Variants in SPTLC2 observed in about 807,000 individuals in gnomAD.
The protein encoded by SPTLC2 is serine palmitoyltransferase 2.
In SPTLC2, 21 loss-of-function variants were observed where a neutral mutation model predicts 62.0. The observed-to-expected ratio is 0.34, with a 90% confidence interval of 0.24 to 0.49. The LOEUF (loss-of-function observed/expected upper bound fraction) is 0.49. Among genes scored for constraint, SPTLC2 ranks in the 20% least tolerant of loss-of-function variants. The pLI is 0.99. For missense variants in SPTLC2, 511 were observed against 713.0 expected (o/e 0.72, Z 3.23); for synonymous variants, 261 against 261.8 (o/e 1.00, Z 0.03).
intron 9 of SPTLC2, 91 bp from the exon 10 acceptor site, chr14:77,521,672 A>G: frequency 5.0e-6 from 6 of 1,190,436 alleles, no homozygotes; most frequent in African/African-American, 1.5e-5. Context: ...CATTCTATCT[A>G]ATCAGTTCTG....
chr14:77,604,792 GGGAGGC>G (rs1455022034), intron 1 of SPTLC2, among the ~76,000 whole-genome samples: 1 of 150,714 alleles, frequency 6.6e-6, no homozygotes. Context: ...GCTTGAACCT[GGGAGGC>G]GGAGGTTGCG....
intron 9 of SPTLC2, among the ~76,000 whole-genome samples, chr14:77,537,153 C>T (rs1421422723): frequency 6.6e-6 from 1 of 151,924 alleles, no homozygotes; most frequent in African/African-American, 2.4e-5. Context: ...CTCCTGACCT[C>T]GTGATCTACC....
rs1383039436 is a variant in SPTLC2 at position 77,506,972 on chromosome 14, G to A, written c.*5312C>T. 2.0e-5 allele frequency: 3 copies of A among 152,192 alleles called. No individual in the cohort carries two copies. The highest frequency in any genetic ancestry group is 4.4e-5 in the Non-Finnish European group (3 of 68,044). 9.4% of individuals were successfully genotyped at this position (152,192 alleles called of 1,614,324 possible). ...TTATTATAACTTATCCTACCAGAAA[G>A]AATCACAGTTTAAGGCCATTTATCA... On this transcript the variant is annotated 3_prime_UTR_variant, in exon 12 of 12. Coordinates refer to ENST00000216484, the MANE Select transcript of SPTLC2 (RefSeq NM_004863.4).
At chr14:77,537,107 G>C (rs2079475394) in intron 9 of SPTLC2, among the ~76,000 whole-genome samples, 1 of 151,938 alleles carries the variant, frequency 6.6e-6, no homozygotes, top group African/African-American at 2.4e-5. Context: ...AATTTTAGTA[G>C]AGATGGGGTT....
In SPTLC2 at chr14:77,552,152, A is replaced by G. The variant is rs577862696; in HGVS notation, c.1247T>C (p.Val416Ala). The change falls in exon 9 of 12, where the codon GTG becomes GCG. Residue 416 changes from valine (V) to alanine (A), a missense_variant. By Grantham distance (64) the Val-to-Ala change is moderately conservative. Transcript: ENST00000216484. ...VYATSLSPPV[V>A]EQIITSMKCI... ...CTTCATGGAGGTGATGATCTGCTCC[A>G]CTACAGGAGGTGACAATGACGTGGC... is the stretch of plus-strand genomic sequence containing the variant. 5.5e-5 allele frequency: 88 copies of G among 1,614,186 alleles called. No individual in the cohort carries two copies. In the South Asian group the frequency reaches 8.9e-4, roughly 16 times the overall value.
At chr14:77,544,108 T>C (rs1406429270) in intron 9 of SPTLC2, among the ~76,000 whole-genome samples, 1 of 152,090 alleles carries the variant, frequency 6.6e-6, no homozygotes, top group East Asian at 1.9e-4. Flanking sequence ...GCTGGGTTTG[T>C]GCAATCCTCC....
Position 77,597,312 on chromosome 14 carries a change from T to C in SPTLC2, c.201A>G (p.Pro67=). The change falls in exon 2 of 12, where the codon CCA becomes CCG. Residue 67 remains proline (P), a synonymous_variant. Coordinates refer to ENST00000216484, the MANE Select transcript of SPTLC2 (RefSeq NM_004863.4). ...CATACGTGAGCACAGCAACCAGCAT[T>C]GGTGTTTCTTCAAAAGCTTCATTAA... ...RPFNEAFEET[P]MLVAVLTYVG... is the part of the protein sequence containing the mutation. 6.2e-7 allele frequency: 1 copy of C among 1,614,182 alleles called. No individual in the cohort carries two copies.
chr14:77,571,371 A>G (rs1354373560), intron 4 of SPTLC2, among the ~76,000 whole-genome samples: 2 of 152,032 alleles, frequency 1.3e-5, no homozygotes, highest in African/African-American at 4.8e-5. Flanking sequence ...TTAGCCAGGC[A>G]TGGTGGCGTG....
chr14:77,521,417 A>G (rs200715314), intron 10 of SPTLC2, 29 bp downstream of exon 10: 1 of 1,614,090 alleles, frequency 6.2e-7, no homozygotes, highest in East Asian at 2.2e-5. Flanking sequence ...ATAAGGACAG[A>G]CTGGTCTGTG....
intron 5 of SPTLC2, among the ~76,000 whole-genome samples, chr14:77,564,760 T>C (rs1274694458): frequency 6.6e-5 from 10 of 151,744 alleles, no homozygotes. Flanking sequence ...CAGCTCCCAA[T>C]GGCCAAAACT....
chr14:77,560,953 A>G (rs1216645629), intron 6 of SPTLC2, among the ~76,000 whole-genome samples: 4 of 151,918 alleles, frequency 2.6e-5, no homozygotes, highest in African/African-American at 7.3e-5. Flanking sequence ...AATAATCTGT[A>G]CACAAACCCC....
chr14:77,593,331 T>C (rs931859402), intron 2 of SPTLC2, among the ~76,000 whole-genome samples: 6 of 152,196 alleles, frequency 3.9e-5, no homozygotes, highest in Non-Finnish European at 7.3e-5. Flanking sequence ...TTTGTAGAGA[T>C]GAGGTTTCAT....
At position 77,570,449 on chromosome 14, in the gene SPTLC2, C is replaced by T. The variant is rs2140034164; in HGVS notation, c.691G>A (p.Ala231Thr). ...ELVARFLGVE[A>T]AMAYGMGFAT... ...AATCCCATGCCATACGCCATAGCAGCTTCTACTCCTAAGAACCTTGCTACA... is the reference window on the plus strand; with the variant it reads ...AATCCCATGCCATACGCCATAGCAGTTTCTACTCCTAAGAACCTTGCTACA... The change falls in exon 5 of 12, where the codon GCT becomes ACT. Residue 231 changes from alanine to threonine, a missense_variant. Physicochemically the swap from Ala to Thr is moderately conservative, Grantham distance 58. Coordinates refer to ENST00000216484, the MANE Select transcript of SPTLC2 (RefSeq NM_004863.4). 1.9e-6 allele frequency: 3 copies of T among 1,613,952 alleles called. No homozygotes were observed. Among genetic ancestry groups the T allele is most frequent in the Non-Finnish European group, 2.5e-6 (3 of 1,179,988 alleles).
intron 6 of SPTLC2, among the ~76,000 whole-genome samples, chr14:77,559,587 C>A (rs1268083274): frequency 6.6e-6 from 1 of 151,938 alleles, no homozygotes; most frequent in Non-Finnish European, 1.5e-5. Flanking sequence ...AAAACAAAGT[C>A]AAAAATATAA....
intron 4 of SPTLC2, among the ~76,000 whole-genome samples, chr14:77,572,221 T>C (rs1271453845): frequency 1.3e-5 from 2 of 151,762 alleles, no homozygotes; most frequent in African/African-American, 4.8e-5. Context: ...TTAGAAACTC[T>C]GTTTTAAAGG....
At chr14:77,609,227 A>C (rs951157183) in intron 1 of SPTLC2, among the ~76,000 whole-genome samples, 2 of 152,148 alleles carry the variant, frequency 1.3e-5, no homozygotes, top group African/African-American at 2.4e-5. Context: ...TCCTCCTCAG[A>C]AGAATTGGGA....
chr14:77,570,819 G>C lies in SPTLC2; in HGVS notation c.632-311C>G, dbSNP rs55776552. On this transcript the variant is annotated intron_variant, in intron 4 of 11. Coordinates refer to ENST00000216484, the MANE Select transcript of SPTLC2 (RefSeq NM_004863.4). ...CCAGGTCTAGGCCTTAGGAGGCCTA[G>C]CAAAATCTGCTTTTACACTTTTGAA... Among the ~76,000 whole-genome samples, 11,917 of 152,064 alleles carry C rather than the reference G, an allele frequency of 0.078. 603 individuals are homozygous for C. The highest frequency in any genetic ancestry group is 0.15 in the Admixed American group (2,243 of 15,256).
chr14:77,601,142 T>C (rs2079875140), intron 1 of SPTLC2, among the ~76,000 whole-genome samples: 1 of 152,186 alleles, frequency 6.6e-6, no homozygotes, highest in Admixed American at 6.5e-5. Context: ...CGAGTATATA[T>C]TGTCAGGCCT....
chr14:77,593,102 CAA>C (rs1211045036), intron 2 of SPTLC2, among the ~76,000 whole-genome samples: 6 of 121,736 alleles, frequency 4.9e-5, no homozygotes, highest in Admixed American at 3.4e-4. Context: ...GACTCCATCT[CAA>C]AAAAAAAAAA....
Sources: gnomAD v4.1 joint callset for allele counts (sites outside exome capture counted in the v4.1 genomes callset) on GRCh38, gnomAD v4.1.1 for gene constraint, MANE v1.5 for transcripts, NCBI Gene and HGNC (gene_info 2026-07-23, HGNC 2026-07-21) for gene names.